Variants in PDE3B observed in about 807,000 individuals in gnomAD.
PDE3B encodes the protein cGMP-inhibited 3',5'-cyclic phosphodiesterase 3B.
PDE3B carries 66 observed loss-of-function variants against 116.8 expected under a neutral mutation model. The ratio of observed to expected loss-of-function variants is 0.56; its 90% CI spans 0.46 to 0.69. The LOEUF (loss-of-function observed/expected upper bound fraction) is 0.69, where lower values mean the gene tolerates loss of function less well. Ranked by LOEUF, PDE3B falls within the 30% of genes least tolerant of loss-of-function variation. PDE3B has a pLI of 0.00. For missense variants in PDE3B, 1,384 were observed against 1,368.1 expected, an observed-to-expected ratio of 1.01 and a Z score of -0.18; for synonymous variants, 595 against 533.6, an observed-to-expected ratio of 1.12 and a Z score of -1.59.
At chr11:14,646,111 A>C (rs1853399087) in intron 1 of PDE3B, among the ~76,000 whole-genome samples, 1 of 152,188 alleles carries the variant, frequency 6.6e-6, no homozygotes, top group South Asian at 2.1e-4. Context: ...AGTGGTTTTA[A>C]GTAGGAGAGT....
At chr11:14,671,741 T>G (rs1854373366) in intron 1 of PDE3B, among the ~76,000 whole-genome samples, 1 of 151,914 alleles carries the variant, frequency 6.6e-6, no homozygotes, top group African/African-American at 2.4e-5. Context: ...AAAAAATATT[T>G]TATAGGCCAG....
At chr11:14,887,664 C>T in the PDE3B span, 2 of 984,972 alleles carry the variant, frequency 2.0e-6, no homozygotes, top group Non-Finnish European at 2.4e-6. Context: ...AAGTCTCTTT[C>T]CCTCACCCAA....
intron 1 of PDE3B, among the ~76,000 whole-genome samples, chr11:14,750,231 A>G (rs1370898936): frequency 6.6e-6 from 1 of 152,062 alleles, no homozygotes; most frequent in East Asian, 1.9e-4. Context: ...TCCTAGATAC[A>G]TACAGAATAG....
intron 7 of PDE3B, among the ~76,000 whole-genome samples, chr11:14,819,607 A>T (rs1481017545): frequency 1.3e-5 from 2 of 152,214 alleles, no homozygotes; most frequent in Non-Finnish European, 2.9e-5. Flanking sequence ...TCCTCATACA[A>T]GACATATTGT....
intron 1 of PDE3B, among the ~76,000 whole-genome samples, chr11:14,709,448 T>C (rs536347316): frequency 6.6e-6 from 1 of 152,334 alleles, no homozygotes; most frequent in Non-Finnish European, 1.5e-5. Flanking sequence ...CATATAAGAT[T>C]TGTGGTTTTG....
At position 14,671,677 on chromosome 11, in the gene PDE3B, T is replaced by A. The variant is rs571237239; in HGVS notation, c.978+26624T>A. 2.6e-5 allele frequency among the ~76,000 whole-genome samples: 4 copies of A among 152,208 alleles called. No individual in the cohort carries two copies. The South Asian group carries it at 8.3e-4, about 32-fold the overall frequency. On this transcript the variant is annotated intron_variant, in intron 1 of 15. Transcript: ENST00000282096. The stretch of plus-strand genomic sequence containing the variant: ...ATCCAAGTGAGACATAATAGTGACT[T>A]GGACTATCTCAGATGACTTTCTCCC...
chr11:14,661,804 A>C (rs1157573001), intron 1 of PDE3B, among the ~76,000 whole-genome samples: 2 of 152,210 alleles, frequency 1.3e-5, no homozygotes, highest in Non-Finnish European at 2.9e-5. Context: ...AGCAGCAGGT[A>C]AGCTCGAACT....
At chr11:14,849,746 A>G (rs930901382) in intron 12 of PDE3B, among the ~76,000 whole-genome samples, 2 of 152,258 alleles carry the variant, frequency 1.3e-5, no homozygotes, top group Non-Finnish European at 1.5e-5. Context: ...AATGCTCACC[A>G]TCACTGGCCA....
intron 1 of PDE3B, among the ~76,000 whole-genome samples, chr11:14,662,027 C>T (rs1300389101): frequency 6.6e-6 from 1 of 152,140 alleles, no homozygotes. Context: ...TGACCCCTGA[C>T]CCCCGAGCAG....
chr11:14,804,073 T>A, intron 5 of PDE3B, 23 bp downstream of exon 5: 1 of 1,274,816 alleles, frequency 7.8e-7, no homozygotes, highest in Non-Finnish European at 1.1e-6. Flanking sequence ...TCTTTATGAC[T>A]CAAATATGGG....
chr11:14,735,994 G>GTA (rs1219762208), intron 1 of PDE3B, among the ~76,000 whole-genome samples: 1 of 151,600 alleles, frequency 6.6e-6, no homozygotes, highest in Non-Finnish European at 1.5e-5. Flanking sequence ...GTGTGTGTGT[G>GTA]TGACTCCTTA....
intron 7 of PDE3B, among the ~76,000 whole-genome samples, chr11:14,822,067 T>TA (rs1430327210): frequency 6.6e-6 from 1 of 151,918 alleles, no homozygotes; most frequent in Non-Finnish European, 1.5e-5. Context: ...CCCGGCTAAT[T>TA]AAAAAAATTT....
At chr11:14,738,982 C>G (rs1364113949) in intron 1 of PDE3B, among the ~76,000 whole-genome samples, 2 of 152,260 alleles carry the variant, frequency 1.3e-5, no homozygotes, top group East Asian at 3.9e-4. Context: ...GGTACTAGTA[C>G]CATGCTGTTT....
chr11:14,808,210 A>G (rs1859009505), intron 5 of PDE3B, among the ~76,000 whole-genome samples: 1 of 152,232 alleles, frequency 6.6e-6, no homozygotes, highest in Non-Finnish European at 1.5e-5. Flanking sequence ...GAGTAACTAC[A>G]CATTGCAGGA....
intron 1 of PDE3B, among the ~76,000 whole-genome samples, chr11:14,656,291 T>C (rs552180824): frequency 6.6e-6 from 1 of 152,326 alleles, no homozygotes; most frequent in East Asian, 1.9e-4. Context: ...TTGATACCTC[T>C]TTTACATCTC....
At chr11:14,671,901 G>A (rs1854378057) in intron 1 of PDE3B, among the ~76,000 whole-genome samples, 1 of 151,450 alleles carries the variant, frequency 6.6e-6, no homozygotes, top group South Asian at 2.1e-4. Context: ...GGTAGTGTGT[G>A]CCTGTGTTCC....
intron 1 of PDE3B, among the ~76,000 whole-genome samples, chr11:14,676,003 A>G (rs932032702): frequency 1.3e-5 from 2 of 152,114 alleles, no homozygotes; most frequent in African/African-American, 4.8e-5. Flanking sequence ...CCTACCAGCA[A>G]TATATGAGAG....
intron 1 of PDE3B, among the ~76,000 whole-genome samples, chr11:14,725,496 TC>T (rs1337600356): frequency 4.1e-5 from 2 of 48,954 alleles, no homozygotes; most frequent in African/African-American, 1.8e-4. Flanking sequence ...TCCCTCCCCC[TC>T]CCCCTTCCCT....
downstream of PDE3B, among the ~76,000 whole-genome samples, chr11:14,873,836 CT>C (rs1848166750): frequency 1.3e-5 from 2 of 152,138 alleles, no homozygotes; most frequent in African/African-American, 4.8e-5. Context: ...GCTAACACTG[CT>C]GCATTCTGTA....
Sources: allele counts gnomAD v4.1 joint callset (sites outside exome capture counted in the v4.1 genomes callset), GRCh38; gene constraint gnomAD v4.1.1; transcripts MANE v1.5; gene names NCBI Gene and HGNC (gene_info 2026-07-23, HGNC 2026-07-21).